The following DNAH7 variants were observed in gnomAD, a reference collection of about 807,000 sequenced individuals.
DNAH7 encodes axonemal beta dynein heavy chain 7.
Under a neutral mutation model 444.6 loss-of-function variants are expected in DNAH7, and 397 were observed. That is an observed-to-expected ratio of 0.89 (90% CI 0.82 to 0.97). The LOEUF is 0.97. Among genes scored for constraint, DNAH7 ranks in the 50% least tolerant of loss-of-function variants. The pLI, the probability that DNAH7 is intolerant of heterozygous loss-of-function variation, is 0.00. For synonymous variants in DNAH7, 1,636 were observed against 1,624.4 expected (o/e 1.01, Z -0.17); for missense variants, 4,902 against 4,800.8 (o/e 1.02, Z -0.62).
chr2:195,921,351 G>GCA (rs1688010058), intron 24 of DNAH7, among the ~76,000 whole-genome samples: 1 of 95,930 alleles, frequency 1.0e-5, no homozygotes, highest in Non-Finnish European at 2.2e-5. Flanking sequence ...AAAATGTGGT[G>GCA]TACACACACA....
chr2:195,965,114 T>C (rs1691386424), intron 17 of DNAH7, among the ~76,000 whole-genome samples: 3 of 152,090 alleles, frequency 2.0e-5, no homozygotes, highest in Admixed American at 6.5e-5. Context: ...CTGTCTTTTA[T>C]GGCTTTTATT....
At chr2:195,994,323 T>G (rs1012374375) in intron 12 of DNAH7, 6 of 566,044 alleles carry the variant, frequency 1.1e-5, no homozygotes, top group Admixed American at 2.9e-5. Context: ...GATGCCTTCC[T>G]CCTCCCCAAG....
At chr2:195,937,999 A>G (rs2125420639) in intron 19 of DNAH7, among the ~76,000 whole-genome samples, 1 of 152,242 alleles carries the variant, frequency 6.6e-6, no homozygotes, top group Non-Finnish European at 1.5e-5. Flanking sequence ...AACTAATTAG[A>G]TATTTTTGGT....
In DNAH7 at chr2:195,929,959, T is replaced by G. The variant is rs556169298; in HGVS notation, c.3472-3393A>C. On this transcript the variant is annotated intron_variant, in intron 21 of 64. Coordinates refer to ENST00000312428, the MANE Select transcript of DNAH7 (RefSeq NM_018897.3). The stretch of plus-strand genomic sequence containing the variant: ...CAACCTATAGACTGTGAGAAAACAT[T>G]CACAAACTATGTATCTGACCAAGGT... Among the ~76,000 whole-genome samples the G allele has an allele frequency of 3.3e-4, 51 of 152,270 alleles. No individual in the cohort carries two copies. In the South Asian group the frequency reaches 9.3e-3, roughly 28 times the overall value.
chr2:195,994,812 T>C, intron 12 of DNAH7: 2 of 449,678 alleles, frequency 4.4e-6, no homozygotes, highest in South Asian at 3.9e-5. Flanking sequence ...GGGTATAGCT[T>C]TGGATCAGTT....
chr2:195,982,372 C>T (rs1365763760), intron 15 of DNAH7, among the ~76,000 whole-genome samples: 1 of 152,218 alleles, frequency 6.6e-6, no homozygotes, highest in East Asian at 1.9e-4. Context: ...CCCTCTTACA[C>T]TGGTGGTGGG....
intron 51 of DNAH7, 55 bp downstream of exon 51, chr2:195,816,573 C>T: frequency 1.5e-6 from 2 of 1,307,250 alleles, no homozygotes; most frequent in South Asian, 1.4e-5. Context: ...TCACAAATTA[C>T]TCTCTGATTT....
intron 58 of DNAH7, among the ~76,000 whole-genome samples, chr2:195,783,084 T>C (rs113190064): frequency 1.3e-5 from 2 of 152,220 alleles, no homozygotes; most frequent in Non-Finnish European, 2.9e-5. Context: ...ATTCCCTGTC[T>C]GGATTAATGA....
chr2:195,756,539 G>T (rs974102069), intron 61 of DNAH7, among the ~76,000 whole-genome samples: 5 of 151,898 alleles, frequency 3.3e-5, no homozygotes, highest in Admixed American at 2.0e-4. Context: ...TTTGAGACGG[G>T]ATCCTTCTCT....
intron 5 of DNAH7, among the ~76,000 whole-genome samples, chr2:196,043,215 C>T (rs973319612): frequency 6.6e-6 from 1 of 151,854 alleles, no homozygotes; most frequent in African/African-American, 2.4e-5. Flanking sequence ...TGTGAATTAT[C>T]TCTCAAAGCT....
chr2:195,860,635 C>T (rs1699965094), intron 42 of DNAH7, among the ~76,000 whole-genome samples: 1 of 151,526 alleles, frequency 6.6e-6, no homozygotes, highest in South Asian at 2.1e-4. Context: ...GCATGCTGCC[C>T]AATATGAGAA....
intron 24 of DNAH7, among the ~76,000 whole-genome samples, chr2:195,921,352 T>TACACACACAC (rs140152411): frequency 9.5e-4 from 134 of 140,454 alleles, no homozygotes; most frequent in East Asian, 5.7e-3. Context: ...AAATGTGGTG[T>TACACACACAC]ACACACACAC....
At chr2:195,886,087 A>C (rs755956968) in intron 34 of DNAH7, 54 bp downstream of exon 34, 121 of 1,540,994 alleles carry the variant, frequency 7.9e-5, no homozygotes, top group Non-Finnish European at 1.0e-4. Flanking sequence ...GCTTTGGGGA[A>C]AGCAGTAGAT....
chr2:195,818,435 T>A (rs747290250), intron 49 of DNAH7, among the ~76,000 whole-genome samples: 2 of 152,222 alleles, frequency 1.3e-5, no homozygotes, highest in Admixed American at 6.5e-5. Flanking sequence ...GGGGACCTAA[T>A]TGCTCTTACA....
chr2:196,026,977 C>T, intron 6 of DNAH7, 37 bp from the exon 7 acceptor site: 1 of 1,469,918 alleles, frequency 6.8e-7, no homozygotes, highest in Non-Finnish European at 9.2e-7. Flanking sequence ...AGATGTTTAA[C>T]AAAAGAAGTA....
chr2:195,777,210 C>G (rs191772483), intron 59 of DNAH7, among the ~76,000 whole-genome samples: 227 of 152,178 alleles, frequency 1.5e-3, no homozygotes, highest in Admixed American at 2.9e-3. Context: ...TCTAGAAATC[C>G]ACTGTGATCA....
At chr2:196,009,292 A>G (rs1694580293) in intron 10 of DNAH7, among the ~76,000 whole-genome samples, 1 of 152,214 alleles carries the variant, frequency 6.6e-6, no homozygotes, top group African/African-American at 2.4e-5. Context: ...CAACCTTGCG[A>G]GTATATTATC....
intron 15 of DNAH7, 141 bp from the exon 16 acceptor site, chr2:195,972,607 GT>G: frequency 1.7e-6 from 1 of 596,464 alleles, no homozygotes; most frequent in African/African-American, 1.9e-5. Context: ...CTACAGCATA[GT>G]TTCCTTCTCA....
chr2:195,992,612 C>A (rs1234485110), intron 12 of DNAH7, among the ~76,000 whole-genome samples: 1 of 152,210 alleles, frequency 6.6e-6, no homozygotes, highest in Non-Finnish European at 1.5e-5. Context: ...AGGCACATAG[C>A]ATTTCAATTT....
Sources: allele counts gnomAD v4.1 joint callset (sites outside exome capture counted in the v4.1 genomes callset), GRCh38; gene constraint gnomAD v4.1.1; transcripts MANE v1.5; gene names NCBI Gene and HGNC (gene_info 2026-07-23, HGNC 2026-07-21).